EZH1: variants seen among roughly 807,000 people sequenced by gnomAD.
EZH1 encodes enhancer of zeste 1 polycomb repressive complex 2 subunit.
EZH1 carries 33 observed loss-of-function variants against 100.5 expected under a neutral mutation model. That is an observed-to-expected ratio of 0.33 (90% CI 0.25 to 0.44). The LOEUF (loss-of-function observed/expected upper bound fraction) is 0.44. Ranked by LOEUF, EZH1 falls within the 20% of genes least tolerant of loss-of-function variation. EZH1 has a pLI of 1.00. For missense variants in EZH1, 475 were observed against 928.4 expected, an observed-to-expected ratio of 0.51 and a Z score of 6.35; for synonymous variants, 272 against 313.8, an observed-to-expected ratio of 0.87 and a Z score of 1.41.
At chr17:42,742,663 C>T (rs1366219520) in intron 1 of EZH1, among the ~76,000 whole-genome samples, 3 of 152,100 alleles carry the variant, frequency 2.0e-5, no homozygotes, top group African/African-American at 7.2e-5. Context: ...TACTATTATA[C>T]TTAATAGTAG....
Position 42,718,161 on chromosome 17 carries a change from G to C in EZH1, c.932-94C>G. On this transcript the variant is annotated intron_variant, in intron 9 of 20. Coordinates refer to ENST00000428826, the MANE Select transcript of EZH1 (RefSeq NM_001991.5). This position sits in a 1 kb window ranked among gnomAD's most constrained non-coding sequence, Gnocchi z 4.2. ...AATTAGAGAGCTATTGTAGGAGTTA[G>C]AATTCGATATAAACGGCTACCATCA... The C allele has an allele frequency of 8.7e-7, 1 of 1,150,764 alleles. No homozygotes were observed. Among genetic ancestry groups the C allele is most frequent in the Non-Finnish European group, 1.3e-6 (1 of 785,310 alleles). The allele number at this position is 1,150,764 out of a possible 1,614,324, so 71.3% of individuals were successfully genotyped here. A position where few individuals can be genotyped will look rare whatever the true frequency, so the allele number is the denominator to read the frequency against.
At chr17:42,730,743 G>A (rs573580205) in intron 2 of EZH1, 85 bp downstream of exon 2, 67 of 462,438 alleles carry the variant, frequency 1.4e-4, no homozygotes, top group African/African-American at 1.2e-3. Context: ...TGATCCGCCC[G>A]CCTTGGCCTC....
At chr17:42,708,484 G>A (rs754846049) in intron 14 of EZH1, among the ~76,000 whole-genome samples, 13 of 151,834 alleles carry the variant, frequency 8.6e-5, no homozygotes, top group African/African-American at 2.4e-4. Flanking sequence ...GTGAAACCCC[G>A]TCTCTACTAA....
At chr17:42,736,820 CA>C (rs1052952777) in intron 1 of EZH1, among the ~76,000 whole-genome samples, 56 of 152,030 alleles carry the variant, frequency 3.7e-4, no homozygotes, top group African/African-American at 1.3e-3. Context: ...CACTGCACTC[CA>C]GCCTGGGGAA....
chr17:42,702,664 C>T, intron 20 of EZH1, 72 bp from the exon 21 acceptor site: 1 of 1,455,160 alleles, frequency 6.9e-7, no homozygotes, highest in South Asian at 1.2e-5. Flanking sequence ...GAGTCCCCTC[C>T]CGTTTCACTT....
chr17:42,743,610 T>C (rs1224504437), intron 1 of EZH1, among the ~76,000 whole-genome samples: 1 of 151,374 alleles, frequency 6.6e-6, no homozygotes, highest in African/African-American at 2.4e-5. Context: ...GCTGGGACTA[T>C]AGGAGAAGGC....
In EZH1 at chr17:42,702,070, C is replaced by G. The variant is rs1404388235; in HGVS notation, c.*462G>C. Reference sequence around the variant, plus strand: ...CAGACCACTTGTAGGCTCCAGGGACCACACTTCACTTAGCCTGTCCTCTCC... The same window carrying G: ...CAGACCACTTGTAGGCTCCAGGGACGACACTTCACTTAGCCTGTCCTCTCC... On this transcript the variant is annotated 3_prime_UTR_variant, in exon 21 of 21. Coordinates refer to ENST00000428826, the MANE Select transcript of EZH1 (RefSeq NM_001991.5). 1 of 155,878 alleles carries G rather than the reference C, an allele frequency of 6.4e-6. No individual in the cohort carries two copies. The highest frequency in any genetic ancestry group is 1.4e-5 in the Non-Finnish European group (1 of 70,324). The allele number at this position is 155,878 out of a possible 1,614,324, so 9.7% of individuals were successfully genotyped here. A position where few individuals can be genotyped will look rare whatever the true frequency, so the allele number is the denominator to read the frequency against.
chr17:42,727,047 G>A (rs867107852), intron 4 of EZH1, among the ~76,000 whole-genome samples: 2 of 150,438 alleles, frequency 1.3e-5, no homozygotes, highest in African/African-American at 2.4e-5. Context: ...ACAGTGTTTC[G>A]CTATGTTGGC....
In EZH1 at chr17:42,718,469, C is replaced by T. The variant is rs770125478; in HGVS notation, c.916G>A (p.Asp306Asn). The T allele has an allele frequency of 1.9e-6, 3 of 1,613,736 alleles. No homozygotes were observed. The highest frequency in any genetic ancestry group is 1.7e-6 in the Non-Finnish European group (2 of 1,180,002). ...CCCCACTCACGGTGAAGGAAGCAGTCGTATTTAAAGCAGCGCCGGCAAAAA... is the reference window on the plus strand; with the variant it reads ...CCCCACTCACGGTGAAGGAAGCAGTTGTATTTAAAGCAGCGCCGGCAAAAA... The part of the protein sequence containing the change: ...TLFCRRCFKY[D>N]CFLHPFHATP... Residue 306 changes from aspartate (D) to asparagine (N), a missense_variant, in exon 9 of 21, where the codon GAC becomes AAC. Asp to Asn is a conservative substitution (Grantham distance 23, BLOSUM62 1). Transcript: ENST00000428826. This position sits in a 1 kb window ranked among gnomAD's most constrained non-coding sequence, Gnocchi z 4.2.
At chr17:42,733,432 G>A (rs1441674930) in intron 1 of EZH1, among the ~76,000 whole-genome samples, 1 of 151,828 alleles carries the variant, frequency 6.6e-6, no homozygotes, top group Non-Finnish European at 1.5e-5. Context: ...ACGAGGTCAG[G>A]AGATCGAGAC....
rs1434497578 is a variant in EZH1, at chr17:42,701,553, G to A, written c.*979C>T. On this transcript the variant is annotated 3_prime_UTR_variant, in exon 21 of 21. Transcript: ENST00000428826. ...TCTTTCTCCTCTCTAGTCCAAGCCT[G>A]TGCCCACCTACCCTGAAGCGATAAG... The A allele has an allele frequency of 6.5e-6, 1 of 152,844 alleles. No individual in the cohort carries two copies. The highest frequency in any genetic ancestry group is 6.5e-5 in the Admixed American group (1 of 15,284). The allele number at this position is 152,844 out of a possible 1,614,324, so 9.5% of individuals were successfully genotyped here.
At chr17:42,732,915 GC>G (rs1286661849) in intron 1 of EZH1, among the ~76,000 whole-genome samples, 1 of 151,810 alleles carries the variant, frequency 6.6e-6, no homozygotes, top group Admixed American at 6.6e-5. Flanking sequence ...TTGCACCACT[GC>G]GCTCCAGCCT....
intron 1 of EZH1, among the ~76,000 whole-genome samples, chr17:42,739,502 C>T (rs971853352): frequency 4.6e-5 from 7 of 152,084 alleles, no homozygotes; most frequent in Non-Finnish European, 1.0e-4. Flanking sequence ...GAGGCCAAGG[C>T]GAGTGGATCA....
chr17:42,728,904 G>T lies in EZH1; in HGVS notation c.38C>A (p.Thr13Asn). ...IPNPPTSKCI[T>N]YWKRKVKSEY... ...AGATTTCACTTTTCTTTTCCAGTAA[G>T]TGATACATTTGGAGGTAGGGGGATT... Residue 13 changes from threonine to asparagine, a missense_variant, in exon 3 of 21, where the codon ACT (threonine) becomes AAT (asparagine). Around this residue, in one of 8 missense-constraint regions of EZH1, gnomAD observed 105 missense variants for 129.8 expected, o/e 0.81. Coordinates refer to ENST00000428826, the MANE Select transcript of EZH1 (RefSeq NM_001991.5). The T allele has an allele frequency of 6.2e-7, 1 of 1,613,502 alleles. No homozygotes were observed. The highest frequency in any genetic ancestry group is 8.5e-7 in the Non-Finnish European group (1 of 1,179,812).
intron 2 of EZH1, among the ~76,000 whole-genome samples, chr17:42,729,805 C>T (rs2053903912): frequency 6.6e-6 from 1 of 150,894 alleles, no homozygotes; most frequent in African/African-American, 2.4e-5. Context: ...TTTGGGAGGC[C>T]AAGGTGGGTG....
intron 3 of EZH1, among the ~76,000 whole-genome samples, chr17:42,728,597 C>T (rs1458943839): frequency 6.6e-6 from 1 of 151,170 alleles, no homozygotes; most frequent in Non-Finnish European, 1.5e-5. Flanking sequence ...AGAAAATTAG[C>T]CGGGCGTGGT....
At chr17:42,710,520 T>G (rs1454574440) in intron 12 of EZH1, among the ~76,000 whole-genome samples, 1 of 152,080 alleles carries the variant, frequency 6.6e-6, no homozygotes, top group Non-Finnish European at 1.5e-5. Context: ...AGAACATTCT[T>G]GCATACAAAT....
chr17:42,736,303 A>G (rs1475311093), intron 1 of EZH1, among the ~76,000 whole-genome samples: 4 of 152,212 alleles, frequency 2.6e-5, no homozygotes, highest in Non-Finnish European at 5.9e-5. Flanking sequence ...AACCTGGCAT[A>G]CAATTTCTAA....
intron 4 of EZH1, 112 bp from the exon 5 acceptor site, chr17:42,724,536 G>A: frequency 7.4e-7 from 1 of 1,343,040 alleles, no homozygotes; most frequent in Non-Finnish European, 1.0e-6. Context: ...AGTAATCCCA[G>A]CACTTTGGGA....
Sources: gnomAD v4.1 joint callset for allele counts (sites outside exome capture counted in the v4.1 genomes callset) on GRCh38, gnomAD v4.1.1 for gene constraint, gnomAD v4.1.1 regional missense constraint, Gnocchi (gnomAD v3.1) non-coding constraint, MANE v1.5 for transcripts, NCBI Gene and HGNC (gene_info 2026-07-23, HGNC 2026-07-21) for gene names.